PKD1L1: variants seen among roughly 807,000 people sequenced by gnomAD.
PKD1L1 encodes the protein polycystin 1 like 1, transient receptor potential channel interacting, also known as polycystin-1-like protein 1.
A neutral mutation model predicts 323.4 loss-of-function variants in PKD1L1; 236 were observed. That is an observed-to-expected ratio of 0.73 (90% CI 0.66 to 0.81). The LOEUF (loss-of-function observed/expected upper bound fraction) is 0.81. PKD1L1 is among the 40% of genes least tolerant of loss of function. The pLI is 0.00. For missense variants in PKD1L1, 3,320 were observed against 3,508.0 expected (o/e 0.95, Z 1.35); for synonymous variants, 1,344 against 1,335.0 (o/e 1.01, Z -0.15).
In PKD1L1 at chr7:47,839,646, C is replaced by A; in HGVS notation, c.5569G>T (p.Gly1857Cys). ...TFILSAPAQL[G>C]LLRKIRLWHD... ...CAGAGGCGGATCTTCCTCAGCAGGC[C>A]CAGTTGGGCAGGAGCGCTGGAGGCA... Residue 1857 changes from glycine to cysteine, a missense_variant, in exon 36 of 57, where the codon GGC (glycine) becomes TGC (cysteine). By Grantham distance (159) the Gly-to-Cys change is radical. Coordinates refer to ENST00000289672, the MANE Select transcript of PKD1L1 (RefSeq NM_138295.5). This position sits in a 1 kb window ranked among gnomAD's most constrained non-coding sequence, Gnocchi z 4.3. 1 of 1,570,760 alleles carries A rather than the reference C, an allele frequency of 6.4e-7. No homozygotes were observed. Among genetic ancestry groups the A allele is most frequent in the Non-Finnish European group, 8.6e-7 (1 of 1,157,590 alleles).
chr7:47,846,939 T>G lies in PKD1L1; in HGVS notation c.5093A>C (p.Glu1698Ala). The G allele has an allele frequency of 6.2e-7, 1 of 1,613,832 alleles. No individual in the cohort carries two copies. Among genetic ancestry groups the G allele is most frequent in the Non-Finnish European group, 8.5e-7 (1 of 1,179,890 alleles). ...WIRCLFWDKR[E>A]WKSERFSPQP... is the part of the protein sequence containing the mutation. The stretch of plus-strand genomic sequence containing the variant: ...TGGAGAGAAACGTTCAGATTTCCAC[T>G]CTCTCTTGTCCCAAAACAGGCATCG... Residue 1698 changes from glutamate to alanine, a missense_variant, in exon 32 of 57, where the codon GAG becomes GCG. Coordinates refer to ENST00000289672, the MANE Select transcript of PKD1L1 (RefSeq NM_138295.5).
intron 24 of PKD1L1, among the ~76,000 whole-genome samples, chr7:47,873,537 C>T (rs1786329813): frequency 6.6e-6 from 1 of 150,614 alleles, no homozygotes; most frequent in Non-Finnish European, 1.5e-5. Context: ...ATCCCAGCTA[C>T]TCAGGAGGCT....
intron 6 of PKD1L1, among the ~76,000 whole-genome samples, chr7:47,930,730 G>A (rs1463691979): frequency 6.6e-6 from 1 of 151,848 alleles, no homozygotes; most frequent in Non-Finnish European, 1.5e-5. Context: ...CAGAAGAATC[G>A]CTTGAACCCG....
At chr7:47,815,306 T>A in intron 47 of PKD1L1, 28 bp downstream of exon 47, 1 of 1,604,786 alleles carries the variant, frequency 6.2e-7, no homozygotes, top group Non-Finnish European at 8.5e-7. Flanking sequence ...TGAGATGATC[T>A]CCTATGAAGA....
intron 22 of PKD1L1, among the ~76,000 whole-genome samples, chr7:47,876,570 A>G (rs1786407648): frequency 6.6e-6 from 1 of 152,134 alleles, no homozygotes; most frequent in Non-Finnish European, 1.5e-5. Flanking sequence ...GGCATCACAC[A>G]GCAGGAGGAG....
Position 47,845,046 on chromosome 7 carries a change from C to T in PKD1L1, c.5186G>A (p.Arg1729Lys). 3.1e-6 allele frequency: 5 copies of T among 1,613,952 alleles called. No homozygotes were observed. Among genetic ancestry groups the T allele is most frequent in the Non-Finnish European group, 4.2e-6 (5 of 1,179,986 alleles). Residue 1729 changes from arginine (R) to lysine (K), a missense_variant, in exon 33 of 57, where the codon AGG becomes AAG. Coordinates refer to ENST00000289672, the MANE Select transcript of PKD1L1 (RefSeq NM_138295.5). The stretch of plus-strand genomic sequence containing the variant: ...TTCAAAACTGGCCTTCAGCTTTCTC[C>T]TTAGGAGAGCGAATGCCGCGAGGCG... ...YHRLAAFALL[R>K]RKLKASFEVS...
intron 19 of PKD1L1, 77 bp downstream of exon 19, chr7:47,884,521 G>T: frequency 7.5e-7 from 1 of 1,329,190 alleles, no homozygotes; most frequent in Admixed American, 1.7e-5. Flanking sequence ...AAGGGAACAG[G>T]TGGGAAATCC....
At chr7:47,866,381 G>A in intron 25 of PKD1L1, 38 bp downstream of exon 25, 1 of 1,595,898 alleles carries the variant, frequency 6.3e-7, no homozygotes, top group Non-Finnish European at 8.5e-7. Flanking sequence ...CTTGATAAAG[G>A]TTTACAGACA....
chr7:47,852,539 T>A (rs540229269), intron 31 of PKD1L1, among the ~76,000 whole-genome samples: 2 of 152,326 alleles, frequency 1.3e-5, no homozygotes, highest in South Asian at 4.1e-4. Context: ...GGCGCGTGTC[T>A]GGTGAGTTGC....
At chr7:47,873,617 T>G (rs1479245359) in intron 24 of PKD1L1, among the ~76,000 whole-genome samples, 1 of 129,408 alleles carries the variant, frequency 7.7e-6, no homozygotes, top group Non-Finnish European at 1.5e-5. Context: ...CACTGCACTC[T>G]CCAGCCTGGG....
At position 47,853,049 on chromosome 7, in the gene PKD1L1, C is replaced by T. The variant is rs142262356; in HGVS notation, c.4960+78G>A. 5.7e-5 allele frequency: 54 copies of T among 952,322 alleles called. 1 individual carries two copies. In the African/African-American group the frequency reaches 6.1e-4, roughly 11 times the overall value. 59.0% of individuals were successfully genotyped at this position (952,322 alleles called of 1,614,324 possible). ...TTTTGTCATGAATAAAGAAAAACAC[C>T]ACTATACATACAAAGGTTATAGGGG... On this transcript the variant is annotated intron_variant, in intron 31 of 56. Transcript: ENST00000289672.
chr7:47,846,553 T>C (rs1000546005), intron 32 of PKD1L1, among the ~76,000 whole-genome samples: 12 of 152,174 alleles, frequency 7.9e-5, no homozygotes, highest in African/African-American at 2.2e-4. Flanking sequence ...AACTGACAGG[T>C]TCATCTATCA....
Position 47,839,923 on chromosome 7 carries a change from G to A in PKD1L1, c.5553-261C>T, listed in dbSNP as rs561481781. On this transcript the variant is annotated intron_variant, in intron 35 of 56. Coordinates refer to ENST00000289672, the MANE Select transcript of PKD1L1 (RefSeq NM_138295.5). The surrounding 1 kb of genome is among the most constrained non-coding windows in gnomAD (Gnocchi z 4.3). ...CCCAAACCAAAGTTACACAAATCTC[G>A]TTCATGTATTTGTCTCTGGTGTGGA... is the stretch of plus-strand genomic sequence containing the variant. Among the ~76,000 whole-genome samples the A allele has an allele frequency of 2.6e-5, 4 of 152,188 alleles. No individual in the cohort carries two copies. Among genetic ancestry groups the A allele is most frequent in the South Asian group, 4.1e-4 (2 of 4,820 alleles).
chr7:47,846,877 ACCTG>A lies in PKD1L1; in HGVS notation c.5151_5153+1del. 1 of 1,602,088 alleles carries A rather than the reference ACCTG, an allele frequency of 6.2e-7. No homozygotes were observed. The highest frequency in any genetic ancestry group is 1.1e-5 in the South Asian group (1 of 88,010). On this transcript the variant is annotated splice_donor_variant and coding_sequence_variant, in exon 32 of 57. Transcript: ENST00000289672. LOFTEE classifies it high-confidence loss of function. The stretch of plus-strand genomic sequence containing the variant: ...CAGATTCTTTCTCAAATGTGTCTAT[ACCTG>A]CAGTTCACTTTTTCAGGAGAAGTCC...
intron 14 of PKD1L1, among the ~76,000 whole-genome samples, chr7:47,896,329 CAAAAAAAA>C (rs34061319): frequency 1.1e-4 from 5 of 46,868 alleles, no homozygotes; most frequent in African/African-American, 3.9e-4. Context: ...GACCCTGTCT[CAAAAAAAA>C]AAAAAAAAAA....
chr7:47,820,589 T>C (rs1785118728), intron 46 of PKD1L1, among the ~76,000 whole-genome samples: 1 of 152,120 alleles, frequency 6.6e-6, no homozygotes, highest in South Asian at 2.1e-4. Context: ...TAGCCAAGCG[T>C]GGTGGCACAT....
Position 47,908,100 on chromosome 7 carries a change from G to A in PKD1L1, c.1379C>T (p.Ala460Val), listed in dbSNP as rs143237058. 5.8e-5 allele frequency: 94 copies of A among 1,613,900 alleles called. No individual in the cohort carries two copies. In the African/African-American group the frequency reaches 9.7e-4, roughly 17 times the overall value. Reference sequence around the variant, plus strand: ...ACTTTTCTGATTCACTTGGGAGTCAGCAAAGACAAGCACTTCATCTTCATG... The same window carrying A: ...ACTTTTCTGATTCACTTGGGAGTCAACAAAGACAAGCACTTCATCTTCATG... The part of the protein sequence containing the change: ...SVHEDEVLVF[A>V]DSQVNQKSTV... Residue 460 changes from alanine (A) to valine (V), a missense_variant, in exon 9 of 57, where the codon GCT (alanine) becomes GTT (valine). By Grantham distance (64) the Ala-to-Val change is moderately conservative. Transcript: ENST00000289672.
chr7:47,915,800 A>G (rs568303932), intron 7 of PKD1L1, among the ~76,000 whole-genome samples: 2 of 152,220 alleles, frequency 1.3e-5, no homozygotes, highest in South Asian at 2.1e-4. Context: ...TAAAAGAACT[A>G]TAAGAGCCTA....
intron 24 of PKD1L1, among the ~76,000 whole-genome samples, 176 bp downstream of exon 24, chr7:47,873,723 T>G (rs530181766): frequency 6.6e-6 from 1 of 150,836 alleles, no homozygotes; most frequent in Non-Finnish European, 1.5e-5. Context: ...AAGAATGCCA[T>G]GCAAATATGA....
Sources: allele counts gnomAD v4.1 joint callset (sites outside exome capture counted in the v4.1 genomes callset), GRCh38; gene constraint gnomAD v4.1.1; non-coding constraint Gnocchi (gnomAD v3.1); transcripts MANE v1.5; gene names NCBI Gene and HGNC (gene_info 2026-07-23, HGNC 2026-07-21).